SORT1: variants seen among roughly 807,000 people sequenced by gnomAD.
SORT1 encodes the protein sortilin 1.
Under a neutral mutation model 101.7 loss-of-function variants are expected in SORT1, and 39 were observed. That is an observed-to-expected ratio of 0.38 (90% CI 0.30 to 0.50). The LOEUF (loss-of-function observed/expected upper bound fraction) is 0.50. SORT1 is among the 20% of genes least tolerant of loss of function. SORT1 has a pLI of 0.90. For missense variants in SORT1, 878 were observed against 1,040.4 expected (o/e 0.84, Z 2.15); for synonymous variants, 396 against 393.7 (o/e 1.01, Z -0.07).
rs1658860531 is a variant in SORT1, at chr1:109,313,770, C to T, written c.*273G>A. The T allele has an allele frequency of 2.0e-6, 1 of 510,884 alleles. No homozygotes were observed. The highest frequency in any genetic ancestry group is 3.4e-6 in the Non-Finnish European group (1 of 290,820). 31.6% of individuals were successfully genotyped at this position (510,884 alleles called of 1,614,324 possible). A position where few individuals can be genotyped will look rare whatever the true frequency, so the allele number is the denominator to read the frequency against. ...CCCTTAAAAAACAAAAACAAAAAAG[C>T]CCATACTTTGCAAAGAGACAGGACG... On this transcript the variant is annotated 3_prime_UTR_variant, in exon 20 of 20. Transcript: ENST00000256637.
chr1:109,324,659 C>A (rs974091336), intron 14 of SORT1, among the ~76,000 whole-genome samples: 2 of 152,016 alleles, frequency 1.3e-5, no homozygotes, highest in Non-Finnish European at 2.9e-5. Context: ...ATATAGCTGA[C>A]AGAATAATTT....
Position 109,390,218 on chromosome 1 carries a change from C to T in SORT1, c.306+7369G>A, listed in dbSNP as rs74113854. 4.2e-3 allele frequency among the ~76,000 whole-genome samples: 647 copies of T among 152,320 alleles called. 7 individuals carry two copies. Among genetic ancestry groups the T allele is most frequent in the African/African-American group, 0.014 (592 of 41,568 alleles). On this transcript the variant is annotated intron_variant, in intron 1 of 19. Transcript: ENST00000256637. ...AGAACACTGCACTGCAGTGGTCAAGCCTTCTTCCAAACTCCCAGTGAAACA... is the reference window on the plus strand; with the variant it reads ...AGAACACTGCACTGCAGTGGTCAAGTCTTCTTCCAAACTCCCAGTGAAACA...
At position 109,325,100 on chromosome 1, in the gene SORT1, A is replaced by G; in HGVS notation, c.1644-11T>C. 1 of 1,588,852 alleles carries G rather than the reference A, an allele frequency of 6.3e-7. No homozygotes were observed. The highest frequency in any genetic ancestry group is 8.6e-7 in the Non-Finnish European group (1 of 1,161,346). The stretch of plus-strand genomic sequence containing the variant: ...TCGTCTGTGGAGAACCTGAAACCAC[A>G]ATTACAGAAAGATCATGACAGAGGA... On this transcript the variant is annotated splice_polypyrimidine_tract_variant and intron_variant, in intron 13 of 19. Coordinates refer to ENST00000256637, the MANE Select transcript of SORT1 (RefSeq NM_002959.7).
rs542155210 is a variant in SORT1 at position 109,383,115 on chromosome 1, T to C, written c.307-13526A>G. On this transcript the variant is annotated intron_variant, in intron 1 of 19. Transcript: ENST00000256637. The stretch of plus-strand genomic sequence containing the variant: ...AAAATCCAGTCATGAGAAACTTACA[T>C]GTTTAGTTACACACATGATCAAAAA... Among the ~76,000 whole-genome samples, 3 of 152,346 alleles carry C rather than the reference T, an allele frequency of 2.0e-5. No individual in the cohort carries two copies. In the East Asian group the frequency reaches 5.8e-4, roughly 29 times the overall value.
chr1:109,345,214 C>T (rs1346168525), intron 8 of SORT1, among the ~76,000 whole-genome samples: 1 of 152,162 alleles, frequency 6.6e-6, no homozygotes, highest in African/African-American at 2.4e-5. Flanking sequence ...AATGCCCAAA[C>T]ACTGGATCAA....
chr1:109,343,629 T>C (rs1278618640), intron 8 of SORT1, among the ~76,000 whole-genome samples: 1 of 152,142 alleles, frequency 6.6e-6, no homozygotes, highest in African/African-American at 2.4e-5. Context: ...CTAATAGGTG[T>C]CTCATATGCA....
chr1:109,339,176 G>A (rs377078149), intron 10 of SORT1, among the ~76,000 whole-genome samples: 2 of 151,852 alleles, frequency 1.3e-5, no homozygotes, highest in Admixed American at 6.6e-5. Flanking sequence ...CGCGCCCAGC[G>A]ACTCTGATAC....
intron 1 of SORT1, among the ~76,000 whole-genome samples, chr1:109,376,858 A>T (rs962170260): frequency 2.0e-5 from 3 of 152,186 alleles, no homozygotes; most frequent in African/African-American, 7.2e-5. Context: ...AAACCTGCAC[A>T]TGTACCCCTA....
chr1:109,390,065 C>T (rs1043167869), intron 1 of SORT1, among the ~76,000 whole-genome samples: 1 of 152,132 alleles, frequency 6.6e-6, no homozygotes, highest in Non-Finnish European at 1.5e-5. Flanking sequence ...ACTACCTCAC[C>T]CTAAAATAAA....
intron 1 of SORT1, 81 bp from the exon 2 acceptor site, chr1:109,369,670 T>C (rs989989162): frequency 4.3e-6 from 4 of 930,002 alleles, no homozygotes; most frequent in Non-Finnish European, 7.1e-6. Context: ...CTGAACTTTA[T>C]TACTGTTCAG....
chr1:109,354,922 A>C (rs1187687096), intron 4 of SORT1, among the ~76,000 whole-genome samples: 1 of 152,114 alleles, frequency 6.6e-6, no homozygotes, highest in Non-Finnish European at 1.5e-5. Flanking sequence ...TTCTTATATG[A>C]TCGATATTAA....
rs562953627 is a variant in SORT1, at chr1:109,331,786, A to C, written c.1372-4185T>G. ...CATGAGCTTATATATAAAAATCCTT[A>C]ATCTTTAAAGACTCCACCAAAAATG... On this transcript the variant is annotated intron_variant, in intron 11 of 19. Transcript: ENST00000256637. Among the ~76,000 whole-genome samples, 61 of 152,214 alleles carry C rather than the reference A, an allele frequency of 4.0e-4. No homozygotes were observed. The South Asian group carries it at 0.012, about 31-fold the overall frequency.
intron 1 of SORT1, among the ~76,000 whole-genome samples, chr1:109,371,683 C>T (rs554948366): frequency 6.6e-6 from 1 of 152,274 alleles, no homozygotes; most frequent in Admixed American, 6.5e-5. Flanking sequence ...GGAGGATTAT[C>T]ACGTGTCACC....
intron 11 of SORT1, among the ~76,000 whole-genome samples, chr1:109,330,588 T>TTA (rs1443582752): frequency 6.6e-6 from 1 of 151,700 alleles, no homozygotes; most frequent in Non-Finnish European, 1.5e-5. Flanking sequence ...AAGAACAAAC[T>TTA]AAGCCCAAAG....
Position 109,323,009 on chromosome 1 carries a change from G to A in SORT1, c.1947C>T (p.Ser649=), listed in dbSNP as rs771979271. ...KEQFLRLRKS[S]VCQNGRDYVV... ...CATAGTCTCGACCATTCTGACACACGGATGACTTGCGTAGCCGCAGAAACT... is the reference window on the plus strand; with the variant it reads ...CATAGTCTCGACCATTCTGACACACAGATGACTTGCGTAGCCGCAGAAACT... The change falls in exon 15 of 20, where the codon TCC becomes TCT. Residue 649 remains serine, a synonymous_variant. Coordinates refer to ENST00000256637, the MANE Select transcript of SORT1 (RefSeq NM_002959.7). 3.3e-5 allele frequency: 54 copies of A among 1,614,038 alleles called. No homozygotes were observed. Among genetic ancestry groups the A allele is most frequent in the East Asian group, 4.5e-5 (2 of 44,902 alleles).
At chr1:109,349,318 C>A (rs1426537842) in intron 6 of SORT1, among the ~76,000 whole-genome samples, 2 of 152,108 alleles carry the variant, frequency 1.3e-5, no homozygotes, top group Non-Finnish European at 2.9e-5. Flanking sequence ...GCACCCCAGC[C>A]TGGGCAACAG....
chr1:109,378,714 AT>A (rs1489755572), intron 1 of SORT1, among the ~76,000 whole-genome samples: 125 of 12,028 alleles, frequency 0.01, 12 homozygotes, highest in African/African-American at 0.028. Flanking sequence ...ATATATATAT[AT>A]ATATATATAT....
chr1:109,386,537 T>C (rs1256076653), intron 1 of SORT1, among the ~76,000 whole-genome samples: 1 of 151,996 alleles, frequency 6.6e-6, no homozygotes. Flanking sequence ...GGCCAGGAAG[T>C]GGTGAAATAG....
At chr1:109,319,866 C>CAAAAA (rs574333925) in intron 15 of SORT1, among the ~76,000 whole-genome samples, 3 of 107,304 alleles carry the variant, frequency 2.8e-5, no homozygotes, top group Non-Finnish European at 5.8e-5. Flanking sequence ...GACTCCGTCT[C>CAAAAA]AAAAAAAAAA....
Sources: gnomAD v4.1 joint callset for allele counts (sites outside exome capture counted in the v4.1 genomes callset) on GRCh38, gnomAD v4.1.1 for gene constraint, MANE v1.5 for transcripts, NCBI Gene and HGNC (gene_info 2026-07-23, HGNC 2026-07-21) for gene names.